Variants in ZDHHC13 observed in about 807,000 individuals in gnomAD.
The protein encoded by ZDHHC13 is zDHHC palmitoyltransferase 13, also known as palmitoyltransferase ZDHHC13.
A neutral mutation model predicts 86.0 loss-of-function variants in ZDHHC13; 85 were observed. The ratio of observed to expected loss-of-function variants is 0.99; its 90% CI spans 0.83 to 1.18. The LOEUF is 1.18. Ranked by LOEUF, ZDHHC13 falls within the 50% of genes most tolerant of loss-of-function variation. ZDHHC13 has a pLI of 0.00. For missense variants in ZDHHC13, 711 were observed against 730.2 expected (o/e 0.97, Z 0.30); for synonymous variants, 263 against 246.4 (o/e 1.07, Z -0.63).
rs1265792563 is a variant in ZDHHC13, at chr11:19,148,923, C to T, written c.375-264C>T. On this transcript the variant is annotated intron_variant, in intron 4 of 16. Transcript: ENST00000446113. ...GAGCTGAGATCGTGCCACTGCACTC[C>T]AGCCTGGGTCACAGAGCGAGACTCC... The T allele has an allele frequency of 1.2e-5, 3 of 252,460 alleles. No homozygotes were observed. The Admixed American group carries it at 1.6e-4, about 14-fold the overall frequency. 15.6% of individuals were successfully genotyped at this position (252,460 alleles called of 1,614,324 possible).
chr11:19,160,477 A>G (rs1409459301), intron 10 of ZDHHC13, among the ~76,000 whole-genome samples: 1 of 151,958 alleles, frequency 6.6e-6, no homozygotes, highest in Non-Finnish European at 1.5e-5. Context: ...AGAAGACCTA[A>G]CGCTCATAAA....
At position 19,175,942 on chromosome 11, in the gene ZDHHC13, G is replaced by A. The variant is rs1590099092; in HGVS notation, c.1851G>A (p.Lys617=). Residue 617 remains lysine, a synonymous_variant, in exon 17 of 17, where the codon AAG becomes AAA. Coordinates refer to ENST00000446113, the MANE Select transcript of ZDHHC13 (RefSeq NM_019028.3). ...TGGTCTTTCACCCAGCCAGGGAGAAGGTTCTTCGCTCAGTATGAAGAAAAG... is the reference window on the plus strand; with the variant it reads ...TGGTCTTTCACCCAGCCAGGGAGAAAGTTCTTCGCTCAGTATGAAGAAAAG... ...YTMVFHPARE[K]VLRSV is the part of the protein sequence containing the mutation. 1 of 1,609,538 alleles carries A rather than the reference G, an allele frequency of 6.2e-7. No homozygotes were observed. Among genetic ancestry groups the A allele is most frequent in the Non-Finnish European group, 8.5e-7 (1 of 1,178,442 alleles).
Position 19,166,397 on chromosome 11 carries a change from T to C in ZDHHC13, c.1474+12T>C, listed in dbSNP as rs1850069929. Reference sequence around the variant, plus strand: ...TGGATCTTTCATCTGTAAGTGTAAATTTTTCTTACAACAAGCACATACATC... The same window carrying C: ...TGGATCTTTCATCTGTAAGTGTAAACTTTTCTTACAACAAGCACATACATC... On this transcript the variant is annotated intron_variant, in intron 14 of 16. Coordinates refer to ENST00000446113, the MANE Select transcript of ZDHHC13 (RefSeq NM_019028.3). The C allele has an allele frequency of 1.2e-6, 2 of 1,602,710 alleles. No individual in the cohort carries two copies. Among genetic ancestry groups the C allele is most frequent in the Admixed American group, 1.7e-5 (1 of 58,780 alleles).
chr11:19,167,768 T>TTTTTATTTTAATTAA (rs1271321660), intron 14 of ZDHHC13: 6 of 152,126 alleles, frequency 3.9e-5, no homozygotes, highest in Non-Finnish European at 7.4e-5. Flanking sequence ...GAGCATTCTA[T>TTTTTATTTTAATTAA]TTTTATTTTA....
intron 2 of ZDHHC13, among the ~76,000 whole-genome samples, chr11:19,144,216 A>C (rs1338064503): frequency 6.6e-6 from 1 of 152,156 alleles, no homozygotes; most frequent in Admixed American, 6.5e-5. Flanking sequence ...CTTAAGGTAA[A>C]TATTTGCTTT....
chr11:19,142,839 A>G (rs1450897633), intron 1 of ZDHHC13, 139 bp from the exon 2 acceptor site: 1 of 919,326 alleles, frequency 1.1e-6, no homozygotes, highest in African/African-American at 1.7e-5. Flanking sequence ...GGTTCAAGTC[A>G]TTCTCAGGAT....
intron 10 of ZDHHC13, among the ~76,000 whole-genome samples, chr11:19,161,715 G>A (rs1303859701): frequency 6.7e-6 from 1 of 150,136 alleles, no homozygotes; most frequent in Non-Finnish European, 1.5e-5. Flanking sequence ...ACTGAGTTAA[G>A]TTTAAGAGGG....
chr11:19,141,213 C>T (rs1333592311), intron 1 of ZDHHC13, among the ~76,000 whole-genome samples: 1 of 151,896 alleles, frequency 6.6e-6, no homozygotes, highest in Non-Finnish European at 1.5e-5. Context: ...ATCTGAATAG[C>T]CTATGAGATT....
Position 19,165,164 on chromosome 11 carries a change from C to A in ZDHHC13, c.1390+19C>A. ...TGCATAGGTGAGAGATTTAATTTTT[C>A]AATTACTACTGTGAAGTTAAGCATA... On this transcript the variant is annotated intron_variant, in intron 13 of 16. Coordinates refer to ENST00000446113, the MANE Select transcript of ZDHHC13 (RefSeq NM_019028.3). The A allele has an allele frequency of 6.3e-7, 1 of 1,598,990 alleles. No homozygotes were observed. Among genetic ancestry groups the A allele is most frequent in the Non-Finnish European group, 8.5e-7 (1 of 1,171,814 alleles).
chr11:19,141,124 TATC>T (rs2133396981), intron 1 of ZDHHC13, among the ~76,000 whole-genome samples: 1 of 151,890 alleles, frequency 6.6e-6, no homozygotes, highest in Admixed American at 6.6e-5. Context: ...CTCTTTAAGG[TATC>T]ATTTCTTTAG....
intron 1 of ZDHHC13, among the ~76,000 whole-genome samples, chr11:19,137,012 C>T (rs1047907747): frequency 9.2e-5 from 14 of 151,740 alleles, no homozygotes; most frequent in Non-Finnish European, 1.5e-4. Flanking sequence ...CATGAACTAA[C>T]GAGCAAAATA....
chr11:19,144,839 G>A (rs1368956045), intron 2 of ZDHHC13, among the ~76,000 whole-genome samples: 1 of 152,198 alleles, frequency 6.6e-6, no homozygotes, highest in Non-Finnish European at 1.5e-5. Flanking sequence ...TAATAGGCCG[G>A]GTGTGGTGGC....
chr11:19,149,301 T>C lies in ZDHHC13; in HGVS notation c.489T>C (p.Pro163=). ...TGGCAGTATTGTTTCAACACATGCCTATTATAGCATATCTCATCTCAAAGG... is the reference window on the plus strand; with the variant it reads ...TGGCAGTATTGTTTCAACACATGCCCATTATAGCATATCTCATCTCAAAGG... ...IHLAVLFQHM[P]IIAYLISKGQ... The change falls in exon 5 of 17, where the codon CCT becomes CCC. Residue 163 remains proline (P), a synonymous_variant. Transcript: ENST00000446113. 1 of 1,602,486 alleles carries C rather than the reference T, an allele frequency of 6.2e-7. No homozygotes were observed. Among genetic ancestry groups the C allele is most frequent in the South Asian group, 1.1e-5 (1 of 89,016 alleles).
Position 19,143,085 on chromosome 11 carries a change from A to G in ZDHHC13, c.135A>G (p.Ile45Met). The change falls in exon 2 of 17, where the codon ATA (isoleucine) becomes ATG (methionine). Residue 45 changes from isoleucine (I) to methionine (M), a missense_variant. By Grantham distance (10) the Ile-to-Met change is conservative. Transcript: ENST00000446113. ...ATGCAAGAGAAGCTCTTCCTCTTAT[A>G]GAGGACTCTAGTAACTGTGACATTG... Reference protein sequence around the residue: ...LANAREALPLIEDSSNCDIVK... With the variant: ...LANAREALPLMEDSSNCDIVK... 2.5e-6 allele frequency: 4 copies of G among 1,613,420 alleles called. No homozygotes were observed. Among genetic ancestry groups the G allele is most frequent in the Non-Finnish European group, 3.4e-6 (4 of 1,179,582 alleles).
chr11:19,155,791 A>C lies in ZDHHC13; in HGVS notation c.874-5A>C. On this transcript the variant is annotated splice_region_variant and splice_polypyrimidine_tract_variant and intron_variant, in intron 8 of 16. Transcript: ENST00000446113. ...AAAGTTCTAAAATTCTGAATCTCTT[A>C]ATAGCTCTTCCTGCTGCTGATGCTT... is the stretch of plus-strand genomic sequence containing the variant. 1 of 1,610,920 alleles carries C rather than the reference A, an allele frequency of 6.2e-7. No individual in the cohort carries two copies. Among genetic ancestry groups the C allele is most frequent in the South Asian group, 1.1e-5 (1 of 90,010 alleles).
chr11:19,138,838 A>C (rs1216203945), intron 1 of ZDHHC13, among the ~76,000 whole-genome samples: 1 of 152,142 alleles, frequency 6.6e-6, no homozygotes, highest in Non-Finnish European at 1.5e-5. Flanking sequence ...ATAGATGCAG[A>C]AAAGGCCTTT....
chr11:19,152,101 A>C lies in ZDHHC13; in HGVS notation c.585-57A>C. The stretch of plus-strand genomic sequence containing the variant: ...CTTAAAAGATTCATAATTTGCATTT[A>C]CTCCTTAAGTCATCATCTCTGTTAA... On this transcript the variant is annotated intron_variant, in intron 6 of 16. Coordinates refer to ENST00000446113, the MANE Select transcript of ZDHHC13 (RefSeq NM_019028.3). 5 of 1,547,566 alleles carry C rather than the reference A, an allele frequency of 3.2e-6. No homozygotes were observed. In the South Asian group the frequency reaches 3.6e-5, roughly 11 times the overall value.
Position 19,158,994 on chromosome 11 carries a change from T to G in ZDHHC13, c.1062T>G (p.Ser354Arg), listed in dbSNP as rs1345863143. The change falls in exon 10 of 17, where the codon AGT becomes AGG. Residue 354 changes from serine to arginine, a missense_variant. Physicochemically the swap from Ser to Arg is moderately radical, Grantham distance 110 (BLOSUM62 -1). Coordinates refer to ENST00000446113, the MANE Select transcript of ZDHHC13 (RefSeq NM_019028.3). ...ACTTACCAACAGCCTTTCTGCTAAGTTCTGTTTTTTGGATATTTATGACTT... is the reference window on the plus strand; with the variant it reads ...ACTTACCAACAGCCTTTCTGCTAAGGTCTGTTTTTTGGATATTTATGACTT... The part of the protein sequence containing the change: ...LVYLPTAFLL[S>R]SVFWIFMTWF... 6.5e-7 allele frequency: 1 copy of G among 1,549,876 alleles called. No individual in the cohort carries two copies. Among genetic ancestry groups the G allele is most frequent in the East Asian group, 2.4e-5 (1 of 41,042 alleles).
At chr11:19,139,022 C>G (rs1017317031) in intron 1 of ZDHHC13, among the ~76,000 whole-genome samples, 2 of 152,092 alleles carry the variant, frequency 1.3e-5, no homozygotes, top group Admixed American at 6.5e-5. Flanking sequence ...GATGCCCTCT[C>G]TCACCACTCC....
Sources: gnomAD v4.1 joint callset for allele counts (sites outside exome capture counted in the v4.1 genomes callset) on GRCh38, gnomAD v4.1.1 for gene constraint, MANE v1.5 for transcripts, NCBI Gene and HGNC (gene_info 2026-07-23, HGNC 2026-07-21) for gene names.